Variants in GNA12 observed in about 807,000 individuals in gnomAD.
GNA12 encodes the protein guanine nucleotide-binding protein subunit alpha-12.
A neutral mutation model predicts 26.0 loss-of-function variants in GNA12; 9 were observed. The ratio of observed to expected loss-of-function variants is 0.35; its 90% CI spans 0.21 to 0.60. The LOEUF (loss-of-function observed/expected upper bound fraction) is 0.60, where lower values mean the gene tolerates loss of function less well. GNA12 is among the 20% of genes least tolerant of loss of function. The pLI, the probability that GNA12 is intolerant of heterozygous loss-of-function variation, is 0.78. For missense variants in GNA12, 405 were observed against 525.8 expected, an observed-to-expected ratio of 0.77 and a Z score of 2.25; for synonymous variants, 264 against 219.6, an observed-to-expected ratio of 1.20 and a Z score of -1.79.
intron 2 of GNA12, among the ~76,000 whole-genome samples, chr7:2,782,493 G>A (rs926595625): frequency 6.6e-6 from 1 of 152,084 alleles, no homozygotes; most frequent in Non-Finnish European, 1.5e-5. Flanking sequence ...ACACCACCTC[G>A]AGATATCATT....
At chr7:2,838,725 G>C (rs1034580003) in intron 1 of GNA12, among the ~76,000 whole-genome samples, 7 of 151,946 alleles carry the variant, frequency 4.6e-5, no homozygotes, top group Admixed American at 1.3e-4. Flanking sequence ...TATTATGAAA[G>C]CATTAATAAA....
At chr7:2,803,674 A>G (rs1183792598) in intron 1 of GNA12, among the ~76,000 whole-genome samples, 1 of 152,220 alleles carries the variant, frequency 6.6e-6, no homozygotes, top group East Asian at 1.9e-4. Flanking sequence ...AATCCAAGCT[A>G]AGCTTCTCAA....
At chr7:2,814,297 C>T (rs777441928) in intron 1 of GNA12, 44 of 1,413,236 alleles carry the variant, frequency 3.1e-5, no homozygotes, top group African/African-American at 4.2e-5. Context: ...AGGAGTTGAA[C>T]GGAGTGAGAC....
intron 2 of GNA12, among the ~76,000 whole-genome samples, chr7:2,753,666 G>A (rs1420328325): frequency 6.6e-6 from 1 of 152,196 alleles, no homozygotes; most frequent in East Asian, 1.9e-4. Context: ...CAGGTGTGGT[G>A]TGGATGTAAG....
intron 1 of GNA12, among the ~76,000 whole-genome samples, chr7:2,842,791 G>T (rs1445193664): frequency 6.6e-6 from 1 of 152,322 alleles, no homozygotes; most frequent in African/African-American, 2.4e-5. Flanking sequence ...TACTGCGGTT[G>T]TGTTTTTACA....
At chr7:2,745,408 C>T (rs1465662938) in intron 2 of GNA12, among the ~76,000 whole-genome samples, 4 of 152,202 alleles carry the variant, frequency 2.6e-5, no homozygotes, top group Admixed American at 2.0e-4. Context: ...AATTTCATAT[C>T]CAGCCAAACT....
intron 2 of GNA12, among the ~76,000 whole-genome samples, chr7:2,742,786 T>C (rs1436326648): frequency 6.6e-6 from 1 of 152,260 alleles, no homozygotes. Flanking sequence ...TAATCTTTTA[T>C]GGTGCTTCTT....
chr7:2,751,647 A>G (rs1461502738), intron 2 of GNA12, among the ~76,000 whole-genome samples: 1 of 152,224 alleles, frequency 6.6e-6, no homozygotes, highest in Non-Finnish European at 1.5e-5. Context: ...AAGAAAAAGA[A>G]AAAACAAATC....
At chr7:2,767,777 T>C (rs947618537) in intron 2 of GNA12, among the ~76,000 whole-genome samples, 2 of 152,254 alleles carry the variant, frequency 1.3e-5, no homozygotes. Flanking sequence ...CAAATCCTCA[T>C]CGTAAATAAA....
chr7:2,748,455 A>C (rs1196579181), intron 2 of GNA12, among the ~76,000 whole-genome samples: 1 of 152,158 alleles, frequency 6.6e-6, no homozygotes, highest in Non-Finnish European at 1.5e-5. Context: ...CTGGCTAGCC[A>C]TATGTAGAAA....
chr7:2,728,822 T>C lies in GNA12; in HGVS notation c.*2359A>G, dbSNP rs1197891163. The C allele has an allele frequency of 6.6e-6, 1 of 152,384 alleles. No individual in the cohort carries two copies. The highest frequency in any genetic ancestry group is 1.5e-5 in the Non-Finnish European group (1 of 68,048). 9.4% of individuals were successfully genotyped at this position (152,384 alleles called of 1,614,324 possible). On this transcript the variant is annotated 3_prime_UTR_variant, in exon 4 of 4. Coordinates refer to ENST00000275364, the MANE Select transcript of GNA12 (RefSeq NM_007353.3). Reference sequence around the variant, plus strand: ...TTGGAAGGGGGTGTCTTTAAAAACGTTCTAATTCACCCCGGTCATGAGGAG... The same window carrying C: ...TTGGAAGGGGGTGTCTTTAAAAACGCTCTAATTCACCCCGGTCATGAGGAG...
chr7:2,751,662 G>A (rs559527663), intron 2 of GNA12, among the ~76,000 whole-genome samples: 11 of 152,322 alleles, frequency 7.2e-5, no homozygotes, highest in African/African-American at 2.4e-4. Flanking sequence ...CAAATCTCCA[G>A]TATCAGGAAT....
At chr7:2,796,897 G>A (rs577230205) in intron 1 of GNA12, among the ~76,000 whole-genome samples, 2 of 152,206 alleles carry the variant, frequency 1.3e-5, no homozygotes, top group East Asian at 1.9e-4. Context: ...CTAATGTTTC[G>A]AAATCAGCAA....
At chr7:2,750,164 G>C (rs1392408639) in intron 2 of GNA12, among the ~76,000 whole-genome samples, 1 of 152,104 alleles carries the variant, frequency 6.6e-6, no homozygotes, top group Admixed American at 6.5e-5. Flanking sequence ...CATGTAAAGG[G>C]CCTGGAAGTC....
Position 2,730,948 on chromosome 7 carries a change from C to T in GNA12, c.*233G>A, listed in dbSNP as rs993603509. On this transcript the variant is annotated 3_prime_UTR_variant, in exon 4 of 4. Coordinates refer to ENST00000275364, the MANE Select transcript of GNA12 (RefSeq NM_007353.3). ...GTTCCGTATTCACAACATCATCACT[C>T]GGATTTTCAGTAGTTTCACTCGCCC... The T allele has an allele frequency of 7.7e-5, 40 of 518,896 alleles. No homozygotes were observed. Among genetic ancestry groups the T allele is most frequent in the Middle Eastern group, 1.0e-3 (2 of 1,954 alleles). The allele number at this position is 518,896 out of a possible 1,614,324, so 32.1% of individuals were successfully genotyped here.
At chr7:2,813,305 T>A (rs1363830872) in intron 1 of GNA12, among the ~76,000 whole-genome samples, 1 of 152,244 alleles carries the variant, frequency 6.6e-6, no homozygotes, top group African/African-American at 2.4e-5. Flanking sequence ...ACCGGCTTTC[T>A]CCACAGTCAT....
At chr7:2,804,975 A>T (rs1792909560) in intron 1 of GNA12, among the ~76,000 whole-genome samples, 1 of 152,038 alleles carries the variant, frequency 6.6e-6, no homozygotes, top group Non-Finnish European at 1.5e-5. Context: ...TTTGATTATC[A>T]AACATGATGT....
intron 2 of GNA12, among the ~76,000 whole-genome samples, chr7:2,777,689 G>T (rs1000593303): frequency 6.6e-6 from 1 of 152,166 alleles, no homozygotes; most frequent in Admixed American, 6.5e-5. Flanking sequence ...AACCCCACCG[G>T]CCAGCACCTT....
intron 2 of GNA12, among the ~76,000 whole-genome samples, chr7:2,786,555 C>CTG (rs1792366143): frequency 6.6e-6 from 1 of 152,196 alleles, no homozygotes; most frequent in African/African-American, 2.4e-5. Context: ...CATATTATAT[C>CTG]TCTGTCTGTC....
Sources: allele counts gnomAD v4.1 joint callset (sites outside exome capture counted in the v4.1 genomes callset), GRCh38; gene constraint gnomAD v4.1.1; transcripts MANE v1.5; gene names NCBI Gene and HGNC (gene_info 2026-07-23, HGNC 2026-07-21).